Variants in MMP26 observed in about 807,000 individuals in gnomAD.
MMP26 encodes the protein matrix metalloproteinase-26.
Under a neutral mutation model 31.0 loss-of-function variants are expected in MMP26, and 33 were observed. The ratio of observed to expected loss-of-function variants is 1.06; its 90% confidence interval spans 0.81 to 1.42. MMP26 has a LOEUF of 1.42. Ranked by LOEUF, MMP26 falls within the 40% of genes most tolerant of loss-of-function variation. The pLI, the probability that MMP26 is intolerant of heterozygous loss-of-function variation, is 0.00. For missense variants in MMP26, 347 were observed against 316.1 expected, an observed-to-expected ratio of 1.10 and a Z score of -0.74; for synonymous variants, 122 against 114.9, an observed-to-expected ratio of 1.06 and a Z score of -0.40.
chr11:4,819,386 G>A (rs375671861), intron 2 of MMP26, among the ~76,000 whole-genome samples: 1 of 151,768 alleles, frequency 6.6e-6, no homozygotes, highest in Non-Finnish European at 1.5e-5. Flanking sequence ...AAAACATAAG[G>A]TACCCGGGAG....
At chr11:4,851,309 A>G (rs1171751775) in intron 2 of MMP26, among the ~76,000 whole-genome samples, 1 of 152,208 alleles carries the variant, frequency 6.6e-6, no homozygotes, top group Non-Finnish European at 1.5e-5. Context: ...TCTGTCAGTT[A>G]GCACGGCAAT....
At chr11:4,935,175 C>T (rs1410566623) in intron 2 of MMP26, among the ~76,000 whole-genome samples, 18 of 151,834 alleles carry the variant, frequency 1.2e-4, no homozygotes, top group Admixed American at 6.6e-5. Flanking sequence ...GCAGTATGGC[C>T]GTTTTCACGA....
At chr11:4,777,069 A>G (rs1848799483) in intron 2 of MMP26, among the ~76,000 whole-genome samples, 2 of 152,176 alleles carry the variant, frequency 1.3e-5, no homozygotes, top group Admixed American at 6.5e-5. Context: ...ACAGAATTCT[A>G]GGTTCTCTTC....
At chr11:4,975,138 C>T (rs1589822545) in intron 2 of MMP26, among the ~76,000 whole-genome samples, 1 of 151,954 alleles carries the variant, frequency 6.6e-6, no homozygotes, top group South Asian at 2.1e-4. Context: ...TTAAAAATGC[C>T]TAGGACGTTC....
At chr11:4,826,630 A>G (rs1849581590) in intron 2 of MMP26, among the ~76,000 whole-genome samples, 1 of 152,030 alleles carries the variant, frequency 6.6e-6, no homozygotes, top group African/African-American at 2.4e-5. Context: ...AACCACAATA[A>G]AACCAGGAAG....
At chr11:4,965,655 C>G (rs1386839679) in intron 2 of MMP26, among the ~76,000 whole-genome samples, 1 of 151,984 alleles carries the variant, frequency 6.6e-6, no homozygotes, top group African/African-American at 2.4e-5. Context: ...TAGAGCACAC[C>G]CTTCTGGGTT....
intron 2 of MMP26, among the ~76,000 whole-genome samples, chr11:4,975,986 T>G (rs1846731920): frequency 6.6e-6 from 1 of 152,068 alleles, no homozygotes; most frequent in Non-Finnish European, 1.5e-5. Flanking sequence ...TAAAAAGTAC[T>G]TCGTAATCAG....
chr11:4,915,869 C>A, intron 2 of MMP26: 1 of 498,704 alleles, frequency 2.0e-6, no homozygotes, highest in Non-Finnish European at 3.5e-6. Context: ...CTCATAGTTT[C>A]AATAAGAAGC....
intron 1 of MMP26, among the ~76,000 whole-genome samples, chr11:4,765,959 G>A (rs959981877): frequency 6.6e-6 from 1 of 152,036 alleles, no homozygotes; most frequent in Non-Finnish European, 1.5e-5. Context: ...CTAGCTAATT[G>A]TCACTCAGTA....
chr11:4,990,412 T>C (rs1037714886), intron 4 of MMP26, among the ~76,000 whole-genome samples, 186 bp from the exon 5 acceptor site: 1 of 152,252 alleles, frequency 6.6e-6, no homozygotes, highest in Non-Finnish European at 1.5e-5. Context: ...CTTAGAAATC[T>C]ATATTTGCAT....
intron 1 of MMP26, among the ~76,000 whole-genome samples, chr11:4,742,238 C>G (rs1416709989): frequency 6.6e-6 from 1 of 152,198 alleles, no homozygotes; most frequent in Non-Finnish European, 1.5e-5. Context: ...AACAAAGTCC[C>G]TGACCTCATC....
At chr11:4,882,548 C>CT in intron 2 of MMP26, 3 of 1,613,844 alleles carry the variant, frequency 1.9e-6, no homozygotes, top group Non-Finnish European at 2.5e-6. Context: ...ATTGTTTATT[C>CT]TTTTCTCCTA....
At chr11:4,725,917 G>T (rs1848092756) in intron 1 of MMP26, among the ~76,000 whole-genome samples, 1 of 152,210 alleles carries the variant, frequency 6.6e-6, no homozygotes, top group Non-Finnish European at 1.5e-5. Flanking sequence ...GTGTGCATGT[G>T]AGAGAGCCAG....
chr11:4,769,476 G>A, intron 2 of MMP26: 2 of 1,613,230 alleles, frequency 1.2e-6, no homozygotes, highest in South Asian at 1.1e-5. Context: ...ATCATCAGAA[G>A]ACCCATTTGA....
intron 1 of MMP26, among the ~76,000 whole-genome samples, chr11:4,733,495 A>G (rs1848199796): frequency 6.6e-6 from 1 of 152,152 alleles, no homozygotes; most frequent in African/African-American, 2.4e-5. Context: ...GTGTATGGAA[A>G]TACAATTGCT....
chr11:4,779,708 G>T (rs1480163824), intron 2 of MMP26, among the ~76,000 whole-genome samples: 2 of 152,014 alleles, frequency 1.3e-5, no homozygotes, highest in Admixed American at 1.3e-4. Context: ...TTAAGAAAAT[G>T]TCAAATTTCA....
At chr11:4,933,424 C>A (rs76287858) in intron 2 of MMP26, among the ~76,000 whole-genome samples, 1 of 151,482 alleles carries the variant, frequency 6.6e-6, no homozygotes, top group Non-Finnish European at 1.5e-5. Context: ...AAAACAACAC[C>A]TATGACTCTG....
intron 1 of MMP26, chr11:4,736,442 G>T (rs1032222475): frequency 1.3e-5 from 2 of 152,178 alleles, no homozygotes; most frequent in African/African-American, 4.8e-5. Flanking sequence ...TAATAATCAG[G>T]ATATAGGAGA....
chr11:4,856,433 T>C (rs534583427), intron 2 of MMP26, among the ~76,000 whole-genome samples: 2 of 152,232 alleles, frequency 1.3e-5, no homozygotes, highest in South Asian at 2.1e-4. Context: ...TAGTCTCTGA[T>C]AAAACAGACT....
Sources: gnomAD v4.1 joint callset for allele counts (sites outside exome capture counted in the v4.1 genomes callset) on GRCh38, gnomAD v4.1.1 for gene constraint, MANE v1.5 for transcripts, NCBI Gene and HGNC (gene_info 2026-07-23, HGNC 2026-07-21) for gene names.